GLIPR2: variants seen among roughly 807,000 people sequenced by gnomAD.
The protein encoded by GLIPR2 is GLI pathogenesis related 2.
Under a neutral mutation model 20.4 loss-of-function variants are expected in GLIPR2, and 21 were observed. The ratio of observed to expected loss-of-function variants is 1.03; its 90% CI spans 0.73 to 1.48. The LOEUF (loss-of-function observed/expected upper bound fraction) is 1.48. Among genes scored for constraint, GLIPR2 ranks in the 40% most tolerant of loss-of-function variants. The pLI is 0.00. For missense variants in GLIPR2, 205 were observed against 200.1 expected, an observed-to-expected ratio of 1.02 and a Z score of -0.15; for synonymous variants, 91 against 80.5, an observed-to-expected ratio of 1.13 and a Z score of -0.70.
intron 1 of GLIPR2, chr9:36,137,014 TG>T: frequency 2.2e-6 from 1 of 444,790 alleles, no homozygotes. Flanking sequence ...CGCGCCAAGT[TG>T]GGCTTCCCGA....
intron 4 of GLIPR2, among the ~76,000 whole-genome samples, chr9:36,153,907 A>C (rs369167570): frequency 5.3e-5 from 8 of 151,832 alleles, no homozygotes; most frequent in African/African-American, 1.9e-4. Flanking sequence ...GTCTCCAAAA[A>C]AAACAAAAAC....
At chr9:36,161,785 A>G (rs923287500) in intron 4 of GLIPR2, among the ~76,000 whole-genome samples, 4 of 152,182 alleles carry the variant, frequency 2.6e-5, no homozygotes, top group Admixed American at 2.6e-4. Context: ...GTAGAGTGGC[A>G]TCCTAATTGT....
Position 36,136,811 on chromosome 9 carries a change from C to G in GLIPR2, c.13+20C>G, listed in dbSNP as rs1824838514. Reference sequence around the variant, plus strand: ...AGTCAGGTGAGCCCGCGGGCTCGCCCGCTGCGGAATGGTTCGGAACCCCGC... The same window carrying G: ...AGTCAGGTGAGCCCGCGGGCTCGCCGGCTGCGGAATGGTTCGGAACCCCGC... On this transcript the variant is annotated intron_variant, in intron 1 of 4. Coordinates refer to ENST00000377960, the MANE Select transcript of GLIPR2 (RefSeq NM_022343.4). This position sits in a 1 kb window ranked among gnomAD's most constrained non-coding sequence, Gnocchi z 4.3. 3 of 1,298,038 alleles carry G rather than the reference C, an allele frequency of 2.3e-6. No individual in the cohort carries two copies. In the East Asian group the frequency reaches 9.3e-5, roughly 40 times the overall value. The allele number at this position is 1,298,038 out of a possible 1,614,324, so 80.4% of individuals were successfully genotyped here. A position where few individuals can be genotyped will look rare whatever the true frequency, so the allele number is the denominator to read the frequency against.
At chr9:36,151,485 C>T (rs541332321) in intron 4 of GLIPR2, among the ~76,000 whole-genome samples, 2 of 152,124 alleles carry the variant, frequency 1.3e-5, no homozygotes, top group African/African-American at 4.8e-5. Context: ...TTTCTCCCTT[C>T]CCCTTTCTGC....
chr9:36,144,106 G>A (rs548461419), intron 1 of GLIPR2, among the ~76,000 whole-genome samples: 1 of 152,218 alleles, frequency 6.6e-6, no homozygotes, highest in South Asian at 2.1e-4. Context: ...AAGAACCCAT[G>A]GGTTCCTGGA....
At chr9:36,142,165 C>T (rs1425358492) in intron 1 of GLIPR2, among the ~76,000 whole-genome samples, 2 of 152,170 alleles carry the variant, frequency 1.3e-5, no homozygotes, top group African/African-American at 4.8e-5. Flanking sequence ...TCCTTCCTCT[C>T]CTTTGTTCAC....
chr9:36,138,503 G>A (rs1824930711), intron 1 of GLIPR2, among the ~76,000 whole-genome samples: 1 of 152,136 alleles, frequency 6.6e-6, no homozygotes, highest in Non-Finnish European at 1.5e-5. Flanking sequence ...GATTACAGGT[G>A]CGCCCAGCCT....
intron 4 of GLIPR2, among the ~76,000 whole-genome samples, chr9:36,151,566 G>A (rs1457712763): frequency 6.6e-6 from 1 of 152,190 alleles, no homozygotes; most frequent in Non-Finnish European, 1.5e-5. Context: ...ACCCTTTGCT[G>A]TGTGGACTTG....
chr9:36,139,945 T>C (rs1014529841), intron 1 of GLIPR2, among the ~76,000 whole-genome samples: 11 of 152,194 alleles, frequency 7.2e-5, no homozygotes, highest in African/African-American at 2.7e-4. Flanking sequence ...AATCTTCAAC[T>C]GCATGCCAGG....
chr9:36,140,448 A>G (rs1421850853), intron 1 of GLIPR2, among the ~76,000 whole-genome samples: 1 of 152,148 alleles, frequency 6.6e-6, no homozygotes, highest in African/African-American at 2.4e-5. Flanking sequence ...TGAAGATATT[A>G]TGAAAACCAC....
At chr9:36,156,447 A>G (rs1825838456) in intron 4 of GLIPR2, among the ~76,000 whole-genome samples, 1 of 151,492 alleles carries the variant, frequency 6.6e-6, no homozygotes, top group Admixed American at 6.6e-5. Flanking sequence ...CTGAAAATTT[A>G]CCATTTTAAC....
chr9:36,161,570 G>A (rs1450687417), intron 4 of GLIPR2, among the ~76,000 whole-genome samples: 2 of 151,992 alleles, frequency 1.3e-5, no homozygotes, highest in East Asian at 3.9e-4. Flanking sequence ...ATAAGTGAGG[G>A]CGAGGAGGCG....
intron 1 of GLIPR2, among the ~76,000 whole-genome samples, chr9:36,138,717 C>T (rs1270935315): frequency 6.6e-6 from 1 of 152,108 alleles, no homozygotes; most frequent in Non-Finnish European, 1.5e-5. Context: ...ATACATAAAG[C>T]TATGTAGGGG....
intron 1 of GLIPR2, among the ~76,000 whole-genome samples, chr9:36,147,292 G>A (rs953183381): frequency 1.3e-5 from 2 of 152,096 alleles, no homozygotes; most frequent in African/African-American, 4.8e-5. Flanking sequence ...GCCTCTTTCT[G>A]GACTCCCAGC....
chr9:36,152,223 G>T (rs1432361069), intron 4 of GLIPR2, among the ~76,000 whole-genome samples: 1 of 152,174 alleles, frequency 6.6e-6, no homozygotes, highest in Non-Finnish European at 1.5e-5. Flanking sequence ...TCTGGGGCAA[G>T]GATACCTAAG....
At position 36,163,755 on chromosome 9, in the gene GLIPR2, G is replaced by T. The variant is rs1391439169; in HGVS notation, c.*1233G>T. 1 of 152,770 alleles carries T rather than the reference G, an allele frequency of 6.5e-6. No individual in the cohort carries two copies. The highest frequency in any genetic ancestry group is 1.9e-4 in the East Asian group (1 of 5,204). 9.5% of individuals were successfully genotyped at this position (152,770 alleles called of 1,614,324 possible). ...CAAGATGGCAGGGGCCGGAGTGAGG[G>T]GGCTGCTGGCTTAACAGCAGGCATC... On this transcript the variant is annotated 3_prime_UTR_variant, in exon 5 of 5. Coordinates refer to ENST00000377960, the MANE Select transcript of GLIPR2 (RefSeq NM_022343.4).
intron 4 of GLIPR2, among the ~76,000 whole-genome samples, chr9:36,154,064 A>ATATAT (rs1825716193): frequency 7.9e-6 from 1 of 126,738 alleles, no homozygotes; most frequent in Non-Finnish European, 1.7e-5. Flanking sequence ...ATTATATATT[A>ATATAT]TATATTATAT....
chr9:36,158,574 A>G (rs1285756134), intron 4 of GLIPR2, among the ~76,000 whole-genome samples: 1 of 152,242 alleles, frequency 6.6e-6, no homozygotes, highest in African/African-American at 2.4e-5. Context: ...TATGGTGATC[A>G]ATAAAACAGA....
At chr9:36,161,500 G>C (rs1256977721) in intron 4 of GLIPR2, among the ~76,000 whole-genome samples, 1 of 74,348 alleles carries the variant, frequency 1.3e-5, no homozygotes, top group African/African-American at 4.3e-5. Flanking sequence ...AGAGAGCTTA[G>C]AGGAAAAAAA....
Sources: allele counts gnomAD v4.1 joint callset (sites outside exome capture counted in the v4.1 genomes callset), GRCh38; gene constraint gnomAD v4.1.1; non-coding constraint Gnocchi (gnomAD v3.1); transcripts MANE v1.5; gene names NCBI Gene and HGNC (gene_info 2026-07-23, HGNC 2026-07-21).